Variants in TCERG1L observed in about 807,000 individuals in gnomAD.
TCERG1L encodes the protein transcription elongation regulator 1 like, also known as transcription elongation regulator 1-like protein.
Under a neutral mutation model 56.3 loss-of-function variants are expected in TCERG1L, and 37 were observed. That is an observed-to-expected ratio of 0.66 (90% CI 0.51 to 0.87). The LOEUF (loss-of-function observed/expected upper bound fraction) is 0.87. TCERG1L is among the 40% of genes least tolerant of loss of function. The pLI, the probability that TCERG1L is intolerant of heterozygous loss-of-function variation, is 0.00. For synonymous variants in TCERG1L, 324 were observed against 326.3 expected, an observed-to-expected ratio of 0.99 and a Z score of 0.08; for missense variants, 799 against 774.2, an observed-to-expected ratio of 1.03 and a Z score of -0.38.
rs141637257 is a variant in TCERG1L, at chr10:131,287,521, T to C, written c.670+20690A>G. Among the ~76,000 whole-genome samples the C allele has an allele frequency of 2.8e-4, 42 of 152,298 alleles. No homozygotes were observed. In the East Asian group the frequency reaches 7.2e-3, roughly 26 times the overall value. On this transcript the variant is annotated intron_variant, in intron 3 of 11. Coordinates refer to ENST00000368642, the MANE Select transcript of TCERG1L (RefSeq NM_174937.4). ...CCATTTTAGTTGATGTCTGAATAATTTGCCAGTGGGTCTGGGGACATAACC... is the reference window on the plus strand; with the variant it reads ...CCATTTTAGTTGATGTCTGAATAATCTGCCAGTGGGTCTGGGGACATAACC...
chr10:131,093,254 T>C lies in TCERG1L; in HGVS notation c.1669A>G (p.Arg557Gly). Reference sequence around the variant, plus strand: ...TTGAAAAAATGCTCCTGGTCCTTTCTTTTTTGAACAAGTCGGAACCTCTGA... The same window carrying C: ...TTGAAAAAATGCTCCTGGTCCTTTCCTTTTTGAACAAGTCGGAACCTCTGA... ...RDQRFRLVQK[R>G]KDQEHFFNQF... Residue 557 changes from arginine (R) to glycine (G), a missense_variant, in exon 12 of 12, where the codon AGA becomes GGA. By Grantham distance (125) the Arg-to-Gly change is moderately radical. Coordinates refer to ENST00000368642, the MANE Select transcript of TCERG1L (RefSeq NM_174937.4). 6.2e-7 allele frequency: 1 copy of C among 1,614,008 alleles called. No individual in the cohort carries two copies.
chr10:131,159,312 T>G (rs1845953899), intron 6 of TCERG1L, among the ~76,000 whole-genome samples: 1 of 152,150 alleles, frequency 6.6e-6, no homozygotes, highest in Non-Finnish European at 1.5e-5. Context: ...GGTCGTCTAT[T>G]TGGGCAGGGA....
At chr10:131,227,658 C>T (rs1040761980) in intron 4 of TCERG1L, among the ~76,000 whole-genome samples, 2 of 152,258 alleles carry the variant, frequency 1.3e-5, no homozygotes, top group African/African-American at 4.8e-5. Context: ...CCAGGTGAGC[C>T]GAGGGTTTTC....
Position 131,218,489 on chromosome 10 carries a change from CTATT to C in TCERG1L, c.856+41766_856+41769del, listed in dbSNP as rs61109787. Among the ~76,000 whole-genome samples, 1,394 of 151,252 alleles carry C rather than the reference CTATT, an allele frequency of 9.2e-3. 19 individuals carry two copies. Among genetic ancestry groups the C allele is most frequent in the African/African-American group, 0.032 (1,306 of 41,070 alleles). On this transcript the variant is annotated intron_variant, in intron 4 of 11. Coordinates refer to ENST00000368642, the MANE Select transcript of TCERG1L (RefSeq NM_174937.4). ...AGATCGCTTCTGCGATCCTTTTTTT[CTATT>C]TATTTATTTATTTATTTGAGACAGA...
chr10:131,159,096 C>T (rs907098262), intron 6 of TCERG1L, among the ~76,000 whole-genome samples: 1 of 152,354 alleles, frequency 6.6e-6, no homozygotes, highest in East Asian at 1.9e-4. Flanking sequence ...TTCTGCGGGG[C>T]AGGTGGGTTC....
rs1229332831 is a variant in TCERG1L at position 131,103,262 on chromosome 10, TAAATG to T, written c.1485+998_1485+1002del. On this transcript the variant is annotated intron_variant, in intron 10 of 11. Coordinates refer to ENST00000368642, the MANE Select transcript of TCERG1L (RefSeq NM_174937.4). The surrounding 1 kb of genome is among the most constrained non-coding windows in gnomAD (Gnocchi z 4.3). ...AAAGGCAATAATTTTTAAGGAAAAA[TAAATG>T]AGAGGATTAAATCATTGTTTTGACA... 6.6e-6 allele frequency among the ~76,000 whole-genome samples: 1 copy of T among 151,976 alleles called. No homozygotes were observed. The highest frequency in any genetic ancestry group is 6.6e-5 in the Admixed American group (1 of 15,246).
chr10:131,243,570 T>C (rs1845996441), intron 4 of TCERG1L, among the ~76,000 whole-genome samples: 1 of 152,244 alleles, frequency 6.6e-6, no homozygotes, highest in East Asian at 1.9e-4. Context: ...AGACTCTGTC[T>C]CAAAAACGAA....
intron 4 of TCERG1L, among the ~76,000 whole-genome samples, chr10:131,259,131 C>T (rs990482269): frequency 5.3e-5 from 8 of 152,168 alleles, no homozygotes; most frequent in East Asian, 1.9e-4. Context: ...AAATAGCGAA[C>T]GCCGAAGGTC....
At chr10:131,295,719 G>C (rs991982681) in intron 3 of TCERG1L, among the ~76,000 whole-genome samples, 3 of 152,160 alleles carry the variant, frequency 2.0e-5, no homozygotes, top group Non-Finnish European at 4.4e-5. Flanking sequence ...CCATTTCTTT[G>C]TGGTTGGAAA....
intron 3 of TCERG1L, among the ~76,000 whole-genome samples, chr10:131,285,457 G>A (rs568412783): frequency 0.014 from 1,788 of 126,050 alleles, 38 homozygotes; most frequent in East Asian, 0.046. Flanking sequence ...AAGAAAGAGA[G>A]AGAAAGGGAA....
At chr10:131,135,589 G>A (rs1046441721) in intron 7 of TCERG1L, among the ~76,000 whole-genome samples, 1 of 152,188 alleles carries the variant, frequency 6.6e-6, no homozygotes, top group African/African-American at 2.4e-5. Context: ...TTGGTAAGAG[G>A]AGAGGGTCAG....
intron 3 of TCERG1L, among the ~76,000 whole-genome samples, chr10:131,288,922 A>G (rs1846576491): frequency 6.6e-6 from 1 of 152,212 alleles, no homozygotes; most frequent in Non-Finnish European, 1.5e-5. Flanking sequence ...TGGCTTCCCA[A>G]GCTGAGAGGG....
chr10:131,248,700 G>A (rs911320433), intron 4 of TCERG1L, among the ~76,000 whole-genome samples: 1 of 152,186 alleles, frequency 6.6e-6, no homozygotes, highest in African/African-American at 2.4e-5. Flanking sequence ...AGAGTCACTG[G>A]GAAAAACATA....
chr10:131,256,023 A>G (rs938254241), intron 4 of TCERG1L, among the ~76,000 whole-genome samples: 1 of 152,164 alleles, frequency 6.6e-6, no homozygotes, highest in African/African-American at 2.4e-5. Context: ...AGAAATGAAC[A>G]CGTGTTTCCC....
intron 8 of TCERG1L, among the ~76,000 whole-genome samples, 179 bp from the exon 9 acceptor site, chr10:131,117,113 C>T (rs181425329): frequency 5.9e-5 from 9 of 152,286 alleles, no homozygotes; most frequent in Middle Eastern, 3.4e-3. Flanking sequence ...TTGGCAGGCA[C>T]GGGGCTTGGC....
intron 3 of TCERG1L, among the ~76,000 whole-genome samples, chr10:131,286,299 T>C (rs376617635): frequency 1.3e-5 from 2 of 152,214 alleles, no homozygotes; most frequent in South Asian, 4.1e-4. Context: ...TGTATTTATG[T>C]TAAGTGAACT....
intron 7 of TCERG1L, among the ~76,000 whole-genome samples, chr10:131,137,111 G>C (rs1452587592): frequency 6.6e-6 from 1 of 151,900 alleles, no homozygotes; most frequent in Non-Finnish European, 1.5e-5. Flanking sequence ...CTGCACTCCA[G>C]CCTGGGTGAA....
Position 131,304,921 on chromosome 10 carries a change from G to A in TCERG1L, c.670+3290C>T, listed in dbSNP as rs1190874127. Among the ~76,000 whole-genome samples the A allele has an allele frequency of 3.3e-5, 5 of 152,102 alleles. No homozygotes were observed. The East Asian group carries it at 9.7e-4, about 29-fold the overall frequency. On this transcript the variant is annotated intron_variant, in intron 3 of 11. Transcript: ENST00000368642. ...CATGTGATGGGACTTGTTTGAAGAG[G>A]CCCCAGAGCCCATCCCTGCCACGTC... is the stretch of plus-strand genomic sequence containing the variant.
intron 11 of TCERG1L, among the ~76,000 whole-genome samples, chr10:131,097,859 C>T (rs1466772638): frequency 1.3e-5 from 2 of 152,122 alleles, no homozygotes; most frequent in Non-Finnish European, 2.9e-5. Flanking sequence ...TACTCTGGGA[C>T]CAACTGTTAA....
Sources: allele counts gnomAD v4.1 joint callset (sites outside exome capture counted in the v4.1 genomes callset), GRCh38; gene constraint gnomAD v4.1.1; non-coding constraint Gnocchi (gnomAD v3.1); transcripts MANE v1.5; gene names NCBI Gene and HGNC (gene_info 2026-07-23, HGNC 2026-07-21).